The following CELSR3 variants were observed in gnomAD, a reference collection of about 807,000 sequenced individuals.
The protein encoded by CELSR3 is cadherin EGF LAG seven-pass G-type receptor 3, also known as EGF-like protein 1.
A neutral mutation model predicts 270.0 loss-of-function variants in CELSR3; 73 were observed. That is an observed-to-expected ratio of 0.27 (90% CI 0.22 to 0.33). The LOEUF (loss-of-function observed/expected upper bound fraction) is 0.33, where lower values mean the gene tolerates loss of function less well. CELSR3 is among the 10% of genes least tolerant of loss of function. CELSR3 has a pLI of 1.00. For synonymous variants in CELSR3, 1,780 were observed against 1,905.4 expected (o/e 0.93, Z 1.71); for missense variants, 3,614 against 4,533.8 (o/e 0.80, Z 5.83).
Position 48,654,998 on chromosome 3 carries a change from G to A in CELSR3, c.4988+46C>T. 6.3e-7 allele frequency: 1 copy of A among 1,583,780 alleles called. No homozygotes were observed. On this transcript the variant is annotated intron_variant, in intron 6 of 34. Transcript: ENST00000164024. The surrounding 1 kb of genome is among the most constrained non-coding windows in gnomAD (Gnocchi z 5.4). ...AATGGGATGTGAAGGGTTGGAGTGG[G>A]CTTTGGTAGGCAGGGGACAAGGGGA... is the stretch of plus-strand genomic sequence containing the variant.
At position 48,644,888 on chromosome 3, in the gene CELSR3, G is replaced by T; in HGVS notation, c.7973-60C>A. The T allele has an allele frequency of 1.3e-6, 2 of 1,544,580 alleles. No homozygotes were observed. The highest frequency in any genetic ancestry group is 1.8e-6 in the Non-Finnish European group (2 of 1,123,728). On this transcript the variant is annotated intron_variant, in intron 25 of 34. Coordinates refer to ENST00000164024, the MANE Select transcript of CELSR3 (RefSeq NM_001407.3). The surrounding 1 kb of genome is among the most constrained non-coding windows in gnomAD (Gnocchi z 4.8). ...GTTCCAGAGCTGCTGACCAGCCCAT[G>T]TATGGGAGAAAGCATGGGTGAGGGC...
Position 48,639,540 on chromosome 3 carries a change from G to T in CELSR3, c.9911+134C>A. 1 of 1,205,822 alleles carries T rather than the reference G, an allele frequency of 8.3e-7. No individual in the cohort carries two copies. Among genetic ancestry groups the T allele is most frequent in the Non-Finnish European group, 1.2e-6 (1 of 864,334 alleles). 74.7% of individuals were successfully genotyped at this position (1,205,822 alleles called of 1,614,324 possible). On this transcript the variant is annotated intron_variant, in intron 34 of 34. Coordinates refer to ENST00000164024, the MANE Select transcript of CELSR3 (RefSeq NM_001407.3). The surrounding 1 kb of genome is among the most constrained non-coding windows in gnomAD (Gnocchi z 4.1). ...CCTGTCCCCAGCCTGTGGCCCTCTG[G>T]CTGTGCTGAGCCTGGGGTAGCCCAC...
At position 48,653,525 on chromosome 3, in the gene CELSR3, G is replaced by T; in HGVS notation, c.5448+94C>A. Reference sequence around the variant, plus strand: ...TGTGGTTGGGACACCTGGCAGAAAAGTATGCTGTGTGACCAACCTGAACCC... The same window carrying T: ...TGTGGTTGGGACACCTGGCAGAAAATTATGCTGTGTGACCAACCTGAACCC... On this transcript the variant is annotated intron_variant, in intron 9 of 34. Coordinates refer to ENST00000164024, the MANE Select transcript of CELSR3 (RefSeq NM_001407.3). The surrounding 1 kb of genome is among the most constrained non-coding windows in gnomAD (Gnocchi z 6.5). 6.8e-7 allele frequency: 1 copy of T among 1,463,078 alleles called. No individual in the cohort carries two copies. The allele number at this position is 1,463,078 out of a possible 1,614,324, so 90.6% of individuals were successfully genotyped here.
chr3:48,656,415 C>T, intron 2 of CELSR3, 50 bp from the exon 3 acceptor site: 1 of 1,378,082 alleles, frequency 7.3e-7, no homozygotes, highest in Non-Finnish European at 9.3e-7. Flanking sequence ...CCCGCCCCTG[C>T]TCCGGCCCCT....
At position 48,642,194 on chromosome 3, in the gene CELSR3, G is replaced by A; in HGVS notation, c.8665+164C>T. 1 of 882,588 alleles carries A rather than the reference G, an allele frequency of 1.1e-6. No homozygotes were observed. Among genetic ancestry groups the A allele is most frequent in the Non-Finnish European group, 1.7e-6 (1 of 592,464 alleles). The allele number at this position is 882,588 out of a possible 1,614,324, so 54.7% of individuals were successfully genotyped here. ...CAGAGGGAAGGACGAATCAGGAGTG[G>A]ACTGGGAGAACCAGGGCTGGAGAGG... is the stretch of plus-strand genomic sequence containing the variant. On this transcript the variant is annotated intron_variant, in intron 31 of 34. Coordinates refer to ENST00000164024, the MANE Select transcript of CELSR3 (RefSeq NM_001407.3). The surrounding 1 kb of genome is among the most constrained non-coding windows in gnomAD (Gnocchi z 6.1).
At position 48,650,433 on chromosome 3, in the gene CELSR3, A is replaced by AGGGGGGGGG; in HGVS notation, c.6472+46_6472+47insCCCCCCCCC. ...GACATGGCTCTAGCAGTCAGAGTAC[A>AGGGGGGGGG]GGCCCACCCCCACCCTCAGTGATGT... On this transcript the variant is annotated intron_variant, in intron 16 of 34. Transcript: ENST00000164024. This position sits in a 1 kb window ranked among gnomAD's most constrained non-coding sequence, Gnocchi z 5.1. 2.8e-5 allele frequency: 26 copies of AGGGGGGGGG among 927,768 alleles called. No homozygotes were observed. The highest frequency in any genetic ancestry group is 9.6e-5 in the East Asian group (3 of 31,400). 57.5% of individuals were successfully genotyped at this position (927,768 alleles called of 1,614,324 possible).
In CELSR3 at chr3:48,655,374, T is replaced by C. The variant is rs750231454; in HGVS notation, c.4762A>G (p.Ser1588Gly). ...CTCAAGCCCCCTGGAACTGTGGGGC[T>C]GACCACGGTGTTGGATTCACCTGGA... Reference protein sequence around the residue: ...YSTGESNTVVSPTVPGGLSDG... With the variant: ...YSTGESNTVVGPTVPGGLSDG... Residue 1588 changes from serine to glycine, a missense_variant, in exon 5 of 35, where the codon AGC becomes GGC. Around this residue, in one of 7 missense-constraint regions of CELSR3, gnomAD observed 1,331 missense variants for 1,933.7 expected, o/e 0.69. Coordinates refer to ENST00000164024, the MANE Select transcript of CELSR3 (RefSeq NM_001407.3). This position sits in a 1 kb window ranked among gnomAD's most constrained non-coding sequence, Gnocchi z 5.8. 6.2e-7 allele frequency: 1 copy of C among 1,614,128 alleles called. No homozygotes were observed. Among genetic ancestry groups the C allele is most frequent in the Non-Finnish European group, 8.5e-7 (1 of 1,179,978 alleles).
In CELSR3 at chr3:48,641,535, A is replaced by C; in HGVS notation, c.8825-11T>G. 1.2e-6 allele frequency: 2 copies of C among 1,603,914 alleles called. No individual in the cohort carries two copies. The highest frequency in any genetic ancestry group is 1.7e-6 in the Non-Finnish European group (2 of 1,172,666). On this transcript the variant is annotated splice_polypyrimidine_tract_variant and intron_variant, in intron 32 of 34. Coordinates refer to ENST00000164024, the MANE Select transcript of CELSR3 (RefSeq NM_001407.3). The surrounding 1 kb of genome is among the most constrained non-coding windows in gnomAD (Gnocchi z 4.8). ...CATTGCCATCCACATCTGTGGAGCCAGGTCAGGTTACAGGAGCTTCTGGGT... is the reference window on the plus strand; with the variant it reads ...CATTGCCATCCACATCTGTGGAGCCCGGTCAGGTTACAGGAGCTTCTGGGT...
rs544328901 is a variant in CELSR3 at position 48,637,903 on chromosome 3, C to G, written c.*302G>C. The G allele has an allele frequency of 1.5e-5, 6 of 401,704 alleles. No individual in the cohort carries two copies. Among genetic ancestry groups the G allele is most frequent in the Admixed American group, 3.6e-5 (1 of 27,498 alleles). 24.9% of individuals were successfully genotyped at this position (401,704 alleles called of 1,614,324 possible). A position where few individuals can be genotyped will look rare whatever the true frequency, so the allele number is the denominator to read the frequency against. On this transcript the variant is annotated 3_prime_UTR_variant, in exon 35 of 35. Coordinates refer to ENST00000164024, the MANE Select transcript of CELSR3 (RefSeq NM_001407.3). Reference sequence around the variant, plus strand: ...CATCTCTCCCTCTATCTCCCTCCCCCTCCCAGCCCAGCCTCAAACCCCCCA... The same window carrying G: ...CATCTCTCCCTCTATCTCCCTCCCCGTCCCAGCCCAGCCTCAAACCCCCCA...
At position 48,660,468 on chromosome 3, in the gene CELSR3, A is replaced by G. The variant is rs781103340; in HGVS notation, c.2167T>C (p.Phe723Leu). Residue 723 changes from phenylalanine (F) to leucine (L), a missense_variant, in exon 1 of 35, where the codon TTC (phenylalanine) becomes CTC (leucine). Phe to Leu is a conservative substitution (Grantham distance 22, BLOSUM62 0). Coordinates refer to ENST00000164024, the MANE Select transcript of CELSR3 (RefSeq NM_001407.3). The surrounding 1 kb of genome is among the most constrained non-coding windows in gnomAD (Gnocchi z 5.5). ...PLDRESVEHY[F>L]FGVEARDHGS... ...TGGTCTCGAGCCTCCACACCAAAGAAGTAATGCTCCACAGACTCACGGTCC... is the reference window on the plus strand; with the variant it reads ...TGGTCTCGAGCCTCCACACCAAAGAGGTAATGCTCCACAGACTCACGGTCC... The G allele has an allele frequency of 1.2e-5, 20 of 1,614,042 alleles. No individual in the cohort carries two copies. In the South Asian group the frequency reaches 2.1e-4, roughly 17 times the overall value.
rs761619402 is a variant in CELSR3 at position 48,661,319 on chromosome 3, C to T, written c.1316G>A (p.Arg439Gln). 1 of 1,613,270 alleles carries T rather than the reference C, an allele frequency of 6.2e-7. No homozygotes were observed. Among genetic ancestry groups the T allele is most frequent in the Non-Finnish European group, 8.5e-7 (1 of 1,179,902 alleles). The change falls in exon 1 of 35, where the codon CGG becomes CAG. Residue 439 changes from arginine to glutamine, a missense_variant. By Grantham distance (43) the Arg-to-Gln change is conservative. Around this residue, in one of 7 missense-constraint regions of CELSR3, gnomAD observed 354 missense variants for 500.9 expected, o/e 0.71. Transcript: ENST00000164024. The stretch of plus-strand genomic sequence containing the variant: ...CTCCACATTCTCGCGAAGGGTCTCC[C>T]GGTACTGCGCTTGCTCAAAAACCGG... ...HSPVFEQAQY[R>Q]ETLRENVEEG...
At position 48,645,876 on chromosome 3, in the gene CELSR3, C is replaced by T. The variant is rs769021964; in HGVS notation, c.7464-8G>A. ...ACACCATGCTGCTCCGCCCTGCAGC[C>T]ACAGGGCAGTTAGACACAACTGTGA... On this transcript the variant is annotated splice_polypyrimidine_tract_variant and splice_region_variant and intron_variant, in intron 22 of 34. Transcript: ENST00000164024. The surrounding 1 kb of genome is among the most constrained non-coding windows in gnomAD (Gnocchi z 5.4). 3.6e-5 allele frequency: 57 copies of T among 1,591,822 alleles called. No individual in the cohort carries two copies. The highest frequency in any genetic ancestry group is 1.1e-5 in the South Asian group (1 of 90,570).
intron 27 of CELSR3, chr3:48,643,964 G>C (rs1575539207): frequency 3.4e-6 from 2 of 586,116 alleles, no homozygotes; most frequent in East Asian, 5.6e-5. Flanking sequence ...GGGGCAAAGT[G>C]AGCCACCCAG....
Position 48,656,955 on chromosome 3 carries a change from C to A in CELSR3, c.4142G>T (p.Arg1381Leu). 6.2e-7 allele frequency: 1 copy of A among 1,612,642 alleles called. No homozygotes were observed. The highest frequency in any genetic ancestry group is 8.5e-7 in the Non-Finnish European group (1 of 1,179,378). ...TTTCATGTAGTTCTCACAGGGCTCT[C>A]GCAGGCACACGTTGTCGTCGAAGGG... ...VLPFDDNVCL[R>L]EPCENYMKCV... is the part of the protein sequence containing the mutation. The change falls in exon 2 of 35, where the codon CGA (arginine) becomes CTA (leucine). Residue 1381 changes from arginine (R) to leucine (L), a missense_variant. By Grantham distance (102) the Arg-to-Leu change is moderately radical. Around this residue, in one of 7 missense-constraint regions of CELSR3, gnomAD observed 1,331 missense variants for 1,933.7 expected, o/e 0.69. Coordinates refer to ENST00000164024, the MANE Select transcript of CELSR3 (RefSeq NM_001407.3).
At position 48,641,297 on chromosome 3, in the gene CELSR3, G is replaced by A; in HGVS notation, c.9025+27C>T. Reference sequence around the variant, plus strand: ...ATGAGCAGCCCCCAGCGTGTCTGCGGTGTGGGCCAGGGCTCAGGGACTGTA... The same window carrying A: ...ATGAGCAGCCCCCAGCGTGTCTGCGATGTGGGCCAGGGCTCAGGGACTGTA... On this transcript the variant is annotated intron_variant, in intron 33 of 34. Transcript: ENST00000164024. The surrounding 1 kb of genome is among the most constrained non-coding windows in gnomAD (Gnocchi z 4.8). 1 of 1,481,752 alleles carries A rather than the reference G, an allele frequency of 6.7e-7. No individual in the cohort carries two copies. The highest frequency in any genetic ancestry group is 9.4e-7 in the Non-Finnish European group (1 of 1,062,080). The allele number at this position is 1,481,752 out of a possible 1,614,324, so 91.8% of individuals were successfully genotyped here.
chr3:48,646,355 A>C lies in CELSR3; in HGVS notation c.7296-98T>G. ...TCATGCCACTCGCCAGGGCTGACCC[A>C]GGGTCTGGGATGTCCCCAGAGTGGA... On this transcript the variant is annotated intron_variant, in intron 21 of 34. Coordinates refer to ENST00000164024, the MANE Select transcript of CELSR3 (RefSeq NM_001407.3). This position sits in a 1 kb window ranked among gnomAD's most constrained non-coding sequence, Gnocchi z 4.8. 7.7e-7 allele frequency: 1 copy of C among 1,302,830 alleles called. No individual in the cohort carries two copies. The highest frequency in any genetic ancestry group is 1.0e-6 in the Non-Finnish European group (1 of 958,498). The allele number at this position is 1,302,830 out of a possible 1,614,324, so 80.7% of individuals were successfully genotyped here. A position where few individuals can be genotyped will look rare whatever the true frequency, so the allele number is the denominator to read the frequency against.
In CELSR3 at chr3:48,660,111, A is replaced by T. The variant is rs1234557165; in HGVS notation, c.2524T>A (p.Cys842Ser). Residue 842 changes from cysteine to serine, a missense_variant, in exon 1 of 35, where the codon TGC (cysteine) becomes AGC (serine). Coordinates refer to ENST00000164024, the MANE Select transcript of CELSR3 (RefSeq NM_001407.3). The surrounding 1 kb of genome is among the most constrained non-coding windows in gnomAD (Gnocchi z 5.5). ...TCTGTGATGTTGATGTGCACATAGC[A>T]GTGATCATGAAGGGCACGGTCAGAT... ...TASDRALHDH[C>S]YVHINITDAN... is the part of the protein sequence containing the mutation. 1 of 1,614,150 alleles carries T rather than the reference A, an allele frequency of 6.2e-7. No homozygotes were observed. The highest frequency in any genetic ancestry group is 1.3e-5 in the African/African-American group (1 of 75,018).
rs776673811 is a variant in CELSR3 at position 48,661,318 on chromosome 3, C to T, written c.1317G>A (p.Arg439=). The change falls in exon 1 of 35, where the codon CGG becomes CGA. Residue 439 remains arginine, a synonymous_variant. Coordinates refer to ENST00000164024, the MANE Select transcript of CELSR3 (RefSeq NM_001407.3). ...HSPVFEQAQY[R]ETLRENVEEG... is the part of the protein sequence containing the mutation. ...CCTCCACATTCTCGCGAAGGGTCTC[C>T]CGGTACTGCGCTTGCTCAAAAACCG... 6.2e-7 allele frequency: 1 copy of T among 1,613,420 alleles called. No individual in the cohort carries two copies. The highest frequency in any genetic ancestry group is 1.7e-5 in the Admixed American group (1 of 60,030).
rs766129203 is a variant in CELSR3 at position 48,655,774 on chromosome 3, T to A, written c.4703A>T (p.Glu1568Val). 1 of 1,601,512 alleles carries A rather than the reference T, an allele frequency of 6.2e-7. No individual in the cohort carries two copies. The highest frequency in any genetic ancestry group is 1.1e-5 in the South Asian group (1 of 90,842). ...LNEKHDFLALELVAGQVRLTY... is the reference protein window; with the variant it reads ...LNEKHDFLALVLVAGQVRLTY... ...GAGCCGCACTTGGCCAGCCACGAGT[T>A]CCAGGGCCAGGAAGTCGTGCTTCTC... Residue 1568 changes from glutamate to valine, a missense_variant, in exon 4 of 35, where the codon GAA becomes GTA. By Grantham distance (121) the Glu-to-Val change is moderately radical. This residue lies in a region of CELSR3 where 1,331 missense variants were observed against 1,933.7 expected (regional missense o/e 0.69). Transcript: ENST00000164024. The surrounding 1 kb of genome is among the most constrained non-coding windows in gnomAD (Gnocchi z 5.8).
Sources: gnomAD v4.1 joint callset for allele counts on GRCh38, gnomAD v4.1.1 for gene constraint, gnomAD v4.1.1 regional missense constraint, Gnocchi (gnomAD v3.1) non-coding constraint, MANE v1.5 for transcripts, NCBI Gene and HGNC (gene_info 2026-07-23, HGNC 2026-07-21) for gene names.